Variants in MAGI1 observed in about 807,000 individuals in gnomAD.
MAGI1 encodes membrane associated guanylate kinase, WW and PDZ domain containing 1, also known as membrane-associated guanylate kinase, WW and PDZ domain-containing protein 1.
Under a neutral mutation model 139.9 loss-of-function variants are expected in MAGI1, and 58 were observed. The ratio of observed to expected loss-of-function variants is 0.41; its 90% CI spans 0.34 to 0.52. The LOEUF is 0.52. MAGI1 is among the 20% of genes least tolerant of loss of function. The pLI, the probability that MAGI1 is intolerant of heterozygous loss-of-function variation, is 0.12. For synonymous variants in MAGI1, 812 were observed against 737.9 expected (o/e 1.10, Z -1.63); for missense variants, 1,874 against 1,901.6 (o/e 0.99, Z 0.27).
intron 5 of MAGI1, among the ~76,000 whole-genome samples, chr3:65,468,673 G>C (rs182197643): frequency 6.6e-6 from 1 of 151,896 alleles, no homozygotes; most frequent in Admixed American, 6.6e-5. Flanking sequence ...CACTGCACCC[G>C]GCTGTCAAAG....
chr3:65,370,863 C>A (rs540836948), intron 18 of MAGI1, among the ~76,000 whole-genome samples: 2 of 152,228 alleles, frequency 1.3e-5, no homozygotes, highest in East Asian at 3.9e-4. Flanking sequence ...CGCTATGTTG[C>A]CCAGGCTGGC....
At chr3:65,857,676 T>C (rs1391987577) in intron 1 of MAGI1, among the ~76,000 whole-genome samples, 1 of 152,180 alleles carries the variant, frequency 6.6e-6, no homozygotes, top group Admixed American at 6.5e-5. Flanking sequence ...TATAAAGGTT[T>C]ATAAACTTTA....
chr3:65,927,475 T>C (rs923657268), intron 1 of MAGI1, among the ~76,000 whole-genome samples: 11 of 152,166 alleles, frequency 7.2e-5, no homozygotes, highest in Admixed American at 3.3e-4. Context: ...CTGCTCCCAA[T>C]GCCCTCACCC....
At chr3:65,929,524 G>A (rs1289329477) in intron 1 of MAGI1, among the ~76,000 whole-genome samples, 1 of 151,836 alleles carries the variant, frequency 6.6e-6, no homozygotes, top group Non-Finnish European at 1.5e-5. Context: ...TAGTAGAGAT[G>A]GGGTTTCACC....
At chr3:65,767,616 T>C (rs1054525289) in intron 1 of MAGI1, among the ~76,000 whole-genome samples, 1 of 152,200 alleles carries the variant, frequency 6.6e-6, no homozygotes, top group Non-Finnish European at 1.5e-5. Context: ...CTCTGACAAT[T>C]GTTACATGAA....
chr3:65,832,320 G>A (rs1218529639), intron 1 of MAGI1, among the ~76,000 whole-genome samples: 2 of 152,130 alleles, frequency 1.3e-5, no homozygotes, highest in African/African-American at 4.8e-5. Context: ...CCAAGGGAGG[G>A]GCTAAGAGAG....
At chr3:65,793,653 G>A (rs1470658162) in intron 1 of MAGI1, among the ~76,000 whole-genome samples, 7 of 151,980 alleles carry the variant, frequency 4.6e-5, no homozygotes, top group South Asian at 2.1e-4. Flanking sequence ...AAGCAGCTGC[G>A]AAAATGCCTG....
chr3:65,539,306 G>A lies in MAGI1; in HGVS notation c.431-45675C>T, dbSNP rs887113152. On this transcript the variant is annotated intron_variant, in intron 2 of 22. Transcript: ENST00000402939. The stretch of plus-strand genomic sequence containing the variant: ...TACCATCAAACAGAAACAAATACCA[G>A]CTACTGTCAACCAGAAACATGTACC... 2.0e-5 allele frequency among the ~76,000 whole-genome samples: 3 copies of A among 150,980 alleles called. No homozygotes were observed. In the East Asian group the frequency reaches 6.0e-4, roughly 30 times the overall value.
intron 1 of MAGI1, among the ~76,000 whole-genome samples, chr3:65,839,848 T>C (rs565043949): frequency 3.8e-4 from 58 of 152,218 alleles, no homozygotes; most frequent in Non-Finnish European, 6.5e-4. Context: ...AAAACAAATA[T>C]AGTCATGTTG....
chr3:65,709,216 G>C (rs2030941971), intron 1 of MAGI1, among the ~76,000 whole-genome samples: 2 of 152,134 alleles, frequency 1.3e-5, no homozygotes, highest in Admixed American at 6.5e-5. Flanking sequence ...AATGAAAAGG[G>C]GCAACGAGAA....
intron 8 of MAGI1, among the ~76,000 whole-genome samples, 162 bp downstream of exon 8, chr3:65,442,630 G>T (rs1263306151): frequency 6.6e-6 from 1 of 152,070 alleles, no homozygotes; most frequent in Non-Finnish European, 1.5e-5. Context: ...CAGATTTATT[G>T]AATATTTTCT....
chr3:65,915,068 A>T (rs888362739), intron 1 of MAGI1, among the ~76,000 whole-genome samples: 5 of 152,212 alleles, frequency 3.3e-5, no homozygotes, highest in African/African-American at 1.2e-4. Flanking sequence ...ATTCAAGGAC[A>T]AAGTCAATCT....
chr3:65,607,328 T>C (rs1223261638), intron 2 of MAGI1, among the ~76,000 whole-genome samples: 1 of 151,848 alleles, frequency 6.6e-6, no homozygotes, highest in Non-Finnish European at 1.5e-5. Flanking sequence ...ACTGCTATTG[T>C]ATATGCCCCT....
At chr3:65,843,074 T>C (rs2058862359) in intron 1 of MAGI1, among the ~76,000 whole-genome samples, 1 of 152,224 alleles carries the variant, frequency 6.6e-6, no homozygotes, top group Non-Finnish European at 1.5e-5. Flanking sequence ...CTGAATACTT[T>C]TCTCTCCATA....
intron 1 of MAGI1, among the ~76,000 whole-genome samples, chr3:65,777,655 A>AAAAAG (rs1401835027): frequency 3.1e-3 from 457 of 145,392 alleles, no homozygotes; most frequent in Non-Finnish European, 5.9e-3. Context: ...AAAAAAAAAA[A>AAAAAG]AAAGAAAGAA....
At chr3:65,600,906 C>T (rs1436698095) in intron 2 of MAGI1, among the ~76,000 whole-genome samples, 2 of 152,180 alleles carry the variant, frequency 1.3e-5, no homozygotes, top group Non-Finnish European at 2.9e-5. Context: ...GTTCAAAACC[C>T]CACCTCTGGC....
chr3:65,576,909 T>A (rs57683348), intron 2 of MAGI1, among the ~76,000 whole-genome samples: 1 of 152,026 alleles, frequency 6.6e-6, no homozygotes, highest in Non-Finnish European at 1.5e-5. Context: ...CCCTGGGATG[T>A]AGACTCCACA....
chr3:65,492,020 C>G (rs1023857365), intron 3 of MAGI1, among the ~76,000 whole-genome samples: 2 of 152,140 alleles, frequency 1.3e-5, no homozygotes, highest in Non-Finnish European at 2.9e-5. Flanking sequence ...GTCACTGTAA[C>G]AGAAGCAATT....
intron 2 of MAGI1, among the ~76,000 whole-genome samples, chr3:65,577,154 A>G (rs759784324): frequency 6.6e-6 from 1 of 152,202 alleles, no homozygotes; most frequent in Non-Finnish European, 1.5e-5. Context: ...CAGGGTTTCT[A>G]TAGTTAGAAG....
Sources: gnomAD v4.1 joint callset for allele counts (sites outside exome capture counted in the v4.1 genomes callset) on GRCh38, gnomAD v4.1.1 for gene constraint, MANE v1.5 for transcripts, NCBI Gene and HGNC (gene_info 2026-07-23, HGNC 2026-07-21) for gene names.